Variants in STAT6 observed in about 807,000 individuals in gnomAD.
The protein encoded by STAT6 is STAT, interleukin4-induced.
STAT6 carries 45 observed loss-of-function variants against 106.3 expected under a neutral mutation model. That is an observed-to-expected ratio of 0.42 (90% CI 0.33 to 0.54). STAT6 has a LOEUF of 0.54. STAT6 is among the 20% of genes least tolerant of loss of function. The pLI is 0.06. For missense variants in STAT6, 797 were observed against 1,062.2 expected (o/e 0.75, Z 3.47); for synonymous variants, 413 against 413.6 (o/e 1.00, Z 0.02).
In STAT6 at chr12:57,105,387, G is replaced by A. The variant is rs2136605766; in HGVS notation, c.813-48C>T. 4 of 1,609,170 alleles carry A rather than the reference G, an allele frequency of 2.5e-6. No homozygotes were observed. In the East Asian group the frequency reaches 8.9e-5, roughly 36 times the overall value. On this transcript the variant is annotated intron_variant, in intron 8 of 21. Transcript: ENST00000300134. ...GGGAGTTGGGGGCTAGGTCCCTGCT[G>A]GTGCCCTCCCCACAGCTCTAGCCCC...
At position 57,111,115 on chromosome 12, in the gene STAT6, A is replaced by C. The variant is rs2034557325; in HGVS notation, c.-22+14T>G. 1 of 143,448 alleles carries C rather than the reference A, an allele frequency of 7.0e-6. No homozygotes were observed. The highest frequency in any genetic ancestry group is 1.5e-5 in the Non-Finnish European group (1 of 66,260). The allele number at this position is 143,448 out of a possible 1,614,324, so 8.9% of individuals were successfully genotyped here. A position where few individuals can be genotyped will look rare whatever the true frequency, so the allele number is the denominator to read the frequency against. Reference sequence around the variant, plus strand: ...ATAGAGGCCCCCGCACCCACCTCGGAGGCAACCCCTCACCTCGGCAACCCC... The same window carrying C: ...ATAGAGGCCCCCGCACCCACCTCGGCGGCAACCCCTCACCTCGGCAACCCC... On this transcript the variant is annotated intron_variant, in intron 1 of 21. Transcript: ENST00000300134.
rs932620964 is a variant in STAT6 at position 57,106,000 on chromosome 12, C to T, written c.680+191G>A. 4.2e-6 allele frequency: 4 copies of T among 948,154 alleles called. No individual in the cohort carries two copies. The African/African-American group carries it at 5.0e-5, about 12-fold the overall frequency. 58.7% of individuals were successfully genotyped at this position (948,154 alleles called of 1,614,324 possible). ...TGGATGAGTCCCCGCTTGTGCCCCT[C>T]CACTAGGCCCACTTGTACAGGATGC... On this transcript the variant is annotated intron_variant, in intron 7 of 21. Transcript: ENST00000300134.
intron 7 of STAT6, 57 bp downstream of exon 7, chr12:57,106,134 C>G (rs2034260222): frequency 6.2e-7 from 1 of 1,606,730 alleles, no homozygotes; most frequent in East Asian, 2.2e-5. Context: ...GGGCCTTCAG[C>G]AGGGTCAGCT....
chr12:57,102,688 A>T, intron 12 of STAT6, 141 bp downstream of exon 12: 1 of 894,156 alleles, frequency 1.1e-6, no homozygotes. Context: ...AAGAGGTCAG[A>T]AGCACGAAAG....
chr12:57,104,299 C>G (rs900453207), intron 11 of STAT6, 165 bp downstream of exon 11: 1 of 981,434 alleles, frequency 1.0e-6, no homozygotes, highest in Non-Finnish European at 1.5e-6. Context: ...GCCCTGTGCA[C>G]TCCATGCTCT....
chr12:57,106,681 C>T lies in STAT6; in HGVS notation c.478+12G>A, dbSNP rs778364838. 1.2e-6 allele frequency: 2 copies of T among 1,614,090 alleles called. No homozygotes were observed. The highest frequency in any genetic ancestry group is 2.2e-5 in the South Asian group (2 of 91,062). The stretch of plus-strand genomic sequence containing the variant: ...ACTCCTACACACTCCCCAGAACCAC[C>T]CTGGCCCCCACCTTGGCCAGCCTCA... On this transcript the variant is annotated intron_variant, in intron 5 of 21. Transcript: ENST00000300134.
chr12:57,102,571 C>T lies in STAT6; in HGVS notation c.1306-75G>A. On this transcript the variant is annotated intron_variant, in intron 12 of 21. Transcript: ENST00000300134. The stretch of plus-strand genomic sequence containing the variant: ...TCCTCGGGCCGGCCTTCATCCCTCC[C>T]ACCTGCCTGTGGCCTACCCCTCCAC... 3 of 1,496,392 alleles carry T rather than the reference C, an allele frequency of 2.0e-6. No homozygotes were observed. In the African/African-American group the frequency reaches 4.1e-5, roughly 21 times the overall value. The allele number at this position is 1,496,392 out of a possible 1,614,324, so 92.7% of individuals were successfully genotyped here. A position where few individuals can be genotyped will look rare whatever the true frequency, so the allele number is the denominator to read the frequency against.
chr12:57,111,289 TAC>T lies in STAT6; in HGVS notation c.-184_-183del, dbSNP rs59118177. ...AAATAAGATAAAGCACACACATACATACACACACACACACACACACACACACA... is the reference window on the plus strand; with the variant it reads ...AAATAAGATAAAGCACACACATACATACACACACACACACACACACACACA... On this transcript the variant is annotated 5_prime_UTR_variant, in exon 1 of 22. Coordinates refer to ENST00000300134, the MANE Select transcript of STAT6 (RefSeq NM_003153.5). 6,322 of 145,406 alleles carry T rather than the reference TAC, an allele frequency of 0.043. 163 individuals are homozygous for T. Among genetic ancestry groups the T allele is most frequent in the Middle Eastern group, 0.086 (24 of 280 alleles). The allele number at this position is 145,406 out of a possible 1,614,324, so 9.0% of individuals were successfully genotyped here.
chr12:57,106,408 C>T (rs1210477505), intron 6 of STAT6, 69 bp from the exon 7 acceptor site: 5 of 1,608,762 alleles, frequency 3.1e-6, no homozygotes, highest in Non-Finnish European at 4.3e-6. Flanking sequence ...GGATACGGCT[C>T]TTTTTCTCAC....
intron 9 of STAT6, 68 bp from the exon 10 acceptor site, chr12:57,104,881 G>A (rs947128496): frequency 4.0e-6 from 6 of 1,516,066 alleles, no homozygotes; most frequent in Non-Finnish European, 5.5e-6. Context: ...GTGCATGGGT[G>A]AGTGTAGACT....
chr12:57,096,584 G>T lies in STAT6; in HGVS notation c.2532C>A (p.Asn844Lys), dbSNP rs555868704. The T allele has an allele frequency of 6.3e-7, 1 of 1,595,272 alleles. No individual in the cohort carries two copies. Among genetic ancestry groups the T allele is most frequent in the Non-Finnish European group, 8.5e-7 (1 of 1,172,660 alleles). Residue 844 changes from asparagine (N) to lysine (K), a missense_variant, in exon 22 of 22, where the codon AAC becomes AAA. Physicochemically the swap from Asn to Lys is moderately conservative, Grantham distance 94. Around this residue, in one of 4 missense-constraint regions of STAT6, gnomAD observed 226 missense variants for 236.7 expected, o/e 0.95. Transcript: ENST00000300134. The stretch of plus-strand genomic sequence containing the variant: ...CCTCCAGCTGGGATCACCAACTGGG[G>T]TTGGCCCTTAGGTCCATGTGGGACA... ...ISMSHMDLRA[N>K]PSW
intron 10 of STAT6, 40 bp downstream of exon 10, chr12:57,104,686 C>G: frequency 6.2e-7 from 1 of 1,613,976 alleles, no homozygotes; most frequent in Non-Finnish European, 8.5e-7. Context: ...CCCACAGTCT[C>G]CTAGTGGTGC....
chr12:57,101,129 G>A (rs2033902870), intron 13 of STAT6, among the ~76,000 whole-genome samples: 1 of 151,156 alleles, frequency 6.6e-6, no homozygotes, highest in Non-Finnish European at 1.5e-5. Context: ...TCATTCTGTT[G>A]GCAGGCTGGA....
At position 57,099,164 on chromosome 12, in the gene STAT6, A is replaced by T. The variant is rs565274445; in HGVS notation, c.1892-86T>A. ...GAAAAGGTGGGCATGGATCATGGGG[A>T]AGTAAGAGAAGCACAGCTATGAAAT... On this transcript the variant is annotated intron_variant, in intron 16 of 21. Transcript: ENST00000300134. The surrounding 1 kb of genome is among the most constrained non-coding windows in gnomAD (Gnocchi z 4.7). The T allele has an allele frequency of 3.4e-5, 54 of 1,596,950 alleles. No individual in the cohort carries two copies. In the African/African-American group the frequency reaches 6.7e-4, roughly 20 times the overall value.
At chr12:57,101,386 CTTTTT>C (rs60908631) in intron 13 of STAT6, among the ~76,000 whole-genome samples, 4 of 120,806 alleles carry the variant, frequency 3.3e-5, no homozygotes, top group Admixed American at 8.6e-5. Flanking sequence ...CACACCTAGC[CTTTTT>C]TTTTTTTTTT....
At chr12:57,109,267 G>A (rs2034455112) in intron 1 of STAT6, among the ~76,000 whole-genome samples, 2 of 152,136 alleles carry the variant, frequency 1.3e-5, no homozygotes, top group Non-Finnish European at 2.9e-5. Flanking sequence ...TGATGAAGAG[G>A]ATGGGAGAGT....
chr12:57,098,281 C>G (rs2033579037), intron 19 of STAT6, among the ~76,000 whole-genome samples: 1 of 152,176 alleles, frequency 6.6e-6, no homozygotes, highest in South Asian at 2.1e-4. Flanking sequence ...GCAGATAAGG[C>G]ACCAAAGGCT....
In STAT6 at chr12:57,100,736, AAGAAAG is replaced by A. The variant is rs1383457659; in HGVS notation, c.1513-652_1513-647del. The A allele has an allele frequency of 4.2e-4, 109 of 257,856 alleles. 2 individuals carry two copies. Among genetic ancestry groups the A allele is most frequent in the South Asian group, 6.7e-4 (22 of 33,076 alleles). The allele number at this position is 257,856 out of a possible 1,614,324, so 16.0% of individuals were successfully genotyped here. ...AAAGAAAGAAAGAAAGAAAGAAAGA[AAGAAAG>A]AAAGAAAAGAAAAAAAAACCAAAAC... On this transcript the variant is annotated intron_variant, in intron 13 of 21. Transcript: ENST00000300134.
intron 11 of STAT6, 161 bp downstream of exon 11, chr12:57,104,296 GCACTCCA>G: frequency 1.1e-6 from 1 of 926,800 alleles, no homozygotes; most frequent in East Asian, 2.7e-5. Context: ...CCTGCCCTGT[GCACTCCA>G]TGCTCTTGCT....
Sources: allele counts gnomAD v4.1 joint callset (sites outside exome capture counted in the v4.1 genomes callset), GRCh38; gene constraint gnomAD v4.1.1; regional missense constraint gnomAD v4.1.1; non-coding constraint Gnocchi (gnomAD v3.1); transcripts MANE v1.5; gene names NCBI Gene and HGNC (gene_info 2026-07-23, HGNC 2026-07-21).